C12orf42: variants seen among roughly 807,000 people sequenced by gnomAD.
C12orf42 encodes the protein chromosome 12 open reading frame 42.
In C12orf42, 25 loss-of-function variants were observed where a neutral mutation model predicts 21.6. That is an observed-to-expected ratio of 1.16 (90% confidence interval 0.84 to 1.62). The LOEUF (loss-of-function observed/expected upper bound fraction) is 1.62. Among genes scored for constraint, C12orf42 ranks in the 40% most tolerant of loss-of-function variants. The pLI, the probability that C12orf42 is intolerant of heterozygous loss-of-function variation, is 0.00. For missense variants in C12orf42, 483 were observed against 459.3 expected, an observed-to-expected ratio of 1.05 and a Z score of -0.47; for synonymous variants, 174 against 175.0, an observed-to-expected ratio of 0.99 and a Z score of 0.05.
the C12orf42 span, among the ~76,000 whole-genome samples, chr12:103,079,520 A>G: frequency 6.6e-6 from 1 of 152,226 alleles, no homozygotes; most frequent in African/African-American, 2.4e-5. Context: ...CATGTGATAC[A>G]CAGACAAAAT....
chr12:103,241,896 A>G (rs2033767941), intron 10 of C12orf42, among the ~76,000 whole-genome samples: 1 of 152,168 alleles, frequency 6.6e-6, no homozygotes, highest in African/African-American at 2.4e-5. Flanking sequence ...TCAAAGAATG[A>G]TTTTAAAATA....
At position 103,365,034 on chromosome 12, in the gene C12orf42, C is replaced by T. The variant is rs2044474584; in HGVS notation, c.259+3853G>A. 1.3e-5 allele frequency among the ~76,000 whole-genome samples: 2 copies of T among 151,286 alleles called. 1 individual carries two copies. The highest frequency in any genetic ancestry group is 4.1e-4 in the South Asian group (2 of 4,824). On this transcript the variant is annotated intron_variant, in intron 4 of 5. Coordinates refer to ENST00000548883, the MANE Select transcript of C12orf42 (RefSeq NM_198521.5). Reference sequence around the variant, plus strand: ...AAGGGAAGGGCATAACAAAAAAATACAGACCAATATCCCTCATGAACATAG... The same window carrying T: ...AAGGGAAGGGCATAACAAAAAAATATAGACCAATATCCCTCATGAACATAG...
intron 4 of C12orf42, among the ~76,000 whole-genome samples, chr12:103,326,204 G>T (rs2040681030): frequency 6.6e-6 from 1 of 152,082 alleles, no homozygotes. Context: ...AGGTGATTGG[G>T]CTTCAGAACC....
chr12:103,399,637 G>A (rs967802115), intron 3 of C12orf42, among the ~76,000 whole-genome samples: 7 of 151,856 alleles, frequency 4.6e-5, no homozygotes, highest in Non-Finnish European at 8.8e-5. Context: ...GCAGTTTCCT[G>A]GAACTACCTG....
chr12:103,120,744 T>C, the C12orf42 span, among the ~76,000 whole-genome samples: 2 of 148,980 alleles, frequency 1.3e-5, no homozygotes, highest in East Asian at 3.9e-4. Context: ...TGATTATTAC[T>C]ATAATTATTA....
intron 3 of C12orf42, among the ~76,000 whole-genome samples, chr12:103,389,691 G>C (rs1056683270): frequency 6.6e-6 from 1 of 152,082 alleles, no homozygotes; most frequent in South Asian, 2.1e-4. Context: ...CAGTTTTGAC[G>C]CAGAAAACGT....
At chr12:103,382,566 A>G (rs1042516873) in intron 3 of C12orf42, among the ~76,000 whole-genome samples, 7 of 152,224 alleles carry the variant, frequency 4.6e-5, no homozygotes, top group Admixed American at 4.6e-4. Flanking sequence ...GTAGAAATAG[A>G]TGTACATCTC....
chr12:103,178,028 A>G, the C12orf42 span: 1 of 152,166 alleles, frequency 6.6e-6, no homozygotes, highest in African/African-American at 2.4e-5. Context: ...GCTGCAAGCA[A>G]TGGTGCTTAT....
At chr12:103,114,097 C>T in the C12orf42 span, among the ~76,000 whole-genome samples, 2 of 151,986 alleles carry the variant, frequency 1.3e-5, no homozygotes, top group Non-Finnish European at 2.9e-5. Context: ...AACAAACAAC[C>T]TTTAATACCG....
the C12orf42 span, among the ~76,000 whole-genome samples, chr12:103,170,941 T>C: frequency 6.6e-6 from 1 of 152,132 alleles, no homozygotes; most frequent in African/African-American, 2.4e-5. Context: ...AGGTTGCACA[T>C]CAGGACAAGA....
chr12:103,450,202 G>A (rs1162304859), intron 2 of C12orf42, among the ~76,000 whole-genome samples: 1 of 151,996 alleles, frequency 6.6e-6, no homozygotes, highest in African/African-American at 2.4e-5. Context: ...GCATCCCTAA[G>A]ATAAACTTAA....
intron 4 of C12orf42, among the ~76,000 whole-genome samples, chr12:103,334,993 G>A (rs1378980364): frequency 2.6e-5 from 4 of 152,150 alleles, no homozygotes; most frequent in African/African-American, 7.2e-5. Flanking sequence ...GTAGGTGACA[G>A]TCTGGAGTCC....
At position 103,294,474 on chromosome 12, in the gene C12orf42, T is replaced by G. The variant is rs201864794; in HGVS notation, n.338-17264A>C. On this transcript the variant is annotated intron_variant and non_coding_transcript_variant, in intron 4 of 6. Coordinates refer to the C12orf42 transcript ENST00000546526. ...AGAAAGAAAGAAAGAAAGAAAGAAA[T>G]AAGCAAGCAAGCAAGAAAGAAAGAA... Among the ~76,000 whole-genome samples, 121 of 79,938 alleles carry G rather than the reference T, an allele frequency of 1.5e-3. 2 individuals carry two copies. The highest frequency in any genetic ancestry group is 2.3e-3 in the Non-Finnish European group (82 of 35,476). The allele number at this position is 79,938 out of a possible 152,430, so 52.4% of individuals were successfully genotyped here.
At chr12:103,111,642 C>T in the C12orf42 span, among the ~76,000 whole-genome samples, 1 of 152,124 alleles carries the variant, frequency 6.6e-6, no homozygotes, top group African/African-American at 2.4e-5. Flanking sequence ...GGCAGCTCCT[C>T]ATGTACGAGT....
intron 3 of C12orf42, among the ~76,000 whole-genome samples, chr12:103,387,571 C>G (rs1403736708): frequency 6.6e-6 from 1 of 152,176 alleles, no homozygotes; most frequent in Non-Finnish European, 1.5e-5. Context: ...AGCCAACATC[C>G]CTCTTGTCAA....
At chr12:103,554,576 CA>C in the C12orf42 span, among the ~76,000 whole-genome samples, 22,615 of 138,570 alleles carry the variant, frequency 0.16, 1,873 homozygotes, top group East Asian at 0.26. Context: ...TAATTTATTA[CA>C]AAAAAAAAAA....
chr12:103,230,439 G>A, the C12orf42 span, among the ~76,000 whole-genome samples: 3 of 152,180 alleles, frequency 2.0e-5, no homozygotes, highest in Non-Finnish European at 4.4e-5. Flanking sequence ...TCATGGATGT[G>A]ATAGCCCTTC....
At chr12:103,376,451 A>G (rs1182791017) in intron 3 of C12orf42, among the ~76,000 whole-genome samples, 2 of 152,066 alleles carry the variant, frequency 1.3e-5, no homozygotes, top group African/African-American at 2.4e-5. Context: ...CAAATACCTA[A>G]CGCACACGGG....
chr12:103,423,690 C>A lies in C12orf42; in HGVS notation c.79-22015G>T, dbSNP rs74874050. 8.2e-4 allele frequency among the ~76,000 whole-genome samples: 125 copies of A among 152,246 alleles called. 2 individuals are homozygous for A. In the East Asian group the frequency reaches 0.023, roughly 27 times the overall value. On this transcript the variant is annotated intron_variant, in intron 2 of 5. Coordinates refer to ENST00000548883, the MANE Select transcript of C12orf42 (RefSeq NM_198521.5). Reference sequence around the variant, plus strand: ...TTCAGGCCTAAAATTAGTCACATTTCTATGAGGAATGACGACAGACTTGAC... The same window carrying A: ...TTCAGGCCTAAAATTAGTCACATTTATATGAGGAATGACGACAGACTTGAC...
Sources: allele counts gnomAD v4.1 joint callset (sites outside exome capture counted in the v4.1 genomes callset), GRCh38; gene constraint gnomAD v4.1.1; transcripts MANE v1.5; gene names NCBI Gene and HGNC (gene_info 2026-07-23, HGNC 2026-07-21).